FNDC3A: variants seen among roughly 807,000 people sequenced by gnomAD.
FNDC3A encodes the protein fibronectin type-III domain-containing protein 3A.
A neutral mutation model predicts 148.9 loss-of-function variants in FNDC3A; 32 were observed. That is an observed-to-expected ratio of 0.21 (90% CI 0.16 to 0.29). FNDC3A has a LOEUF of 0.29. Ranked by LOEUF, FNDC3A falls within the 10% of genes least tolerant of loss-of-function variation. The pLI is 1.00. For missense variants in FNDC3A, 1,191 were observed against 1,452.8 expected, an observed-to-expected ratio of 0.82 and a Z score of 2.93; for synonymous variants, 472 against 473.6, an observed-to-expected ratio of 1.00 and a Z score of 0.04.
At chr13:49,003,430 C>A (rs1394400147) in intron 1 of FNDC3A, among the ~76,000 whole-genome samples, 1 of 151,936 alleles carries the variant, frequency 6.6e-6, no homozygotes, top group African/African-American at 2.4e-5. Flanking sequence ...TTTTAAAAAT[C>A]AATTTGTAGG....
At chr13:49,110,429 A>T in intron 3 of FNDC3A, 1 of 1,467,336 alleles carries the variant, frequency 6.8e-7, no homozygotes, top group African/African-American at 1.4e-5. Flanking sequence ...GTTTTCGAAC[A>T]TTCTGCTTTT....
intron 14 of FNDC3A, 107 bp from the exon 15 acceptor site, chr13:49,185,857 T>C (rs1243093508): frequency 8.5e-6 from 7 of 821,480 alleles, no homozygotes. Context: ...AAAAAAAATG[T>C]ATTTTATCAT....
chr13:49,110,301 A>C (rs1880475846), intron 3 of FNDC3A: 14 of 250,014 alleles, frequency 5.6e-5, no homozygotes, highest in Non-Finnish European at 9.0e-5. Context: ...ACAGCCTTGC[A>C]AAAAAAAAAA....
At chr13:48,982,358 T>C (rs1195317991) in intron 1 of FNDC3A, among the ~76,000 whole-genome samples, 1 of 152,126 alleles carries the variant, frequency 6.6e-6, no homozygotes, top group Admixed American at 6.5e-5. Context: ...CTAAAAAAAA[T>C]TTTTAGCATA....
In FNDC3A at chr13:49,013,786, C is replaced by G. The variant is rs1366529288; in HGVS notation, c.99+7497C>G. 5.2e-5 allele frequency among the ~76,000 whole-genome samples: 7 copies of G among 134,980 alleles called. No homozygotes were observed. In the East Asian group the frequency reaches 1.7e-3, roughly 32 times the overall value. The allele number at this position is 134,980 out of a possible 152,430, so 88.6% of individuals were successfully genotyped here. Reference sequence around the variant, plus strand: ...CAACAGTCCCCAGAGTGTGATGTTCCCCTTCCTGTGTCCATGTGTTCTCTT... The same window carrying G: ...CAACAGTCCCCAGAGTGTGATGTTCGCCTTCCTGTGTCCATGTGTTCTCTT... On this transcript the variant is annotated intron_variant, in intron 2 of 25. Coordinates refer to ENST00000492622, the MANE Select transcript of FNDC3A (RefSeq NM_001079673.2).
chr13:49,136,141 A>G (rs1381783772), intron 5 of FNDC3A, among the ~76,000 whole-genome samples, 191 bp from the exon 6 acceptor site: 1 of 152,194 alleles, frequency 6.6e-6, no homozygotes, highest in Non-Finnish European at 1.5e-5. Context: ...AGAGATATAT[A>G]TAATTAGAAT....
chr13:49,030,320 T>A (rs1874018782), intron 2 of FNDC3A, among the ~76,000 whole-genome samples: 1 of 152,096 alleles, frequency 6.6e-6, no homozygotes, highest in Non-Finnish European at 1.5e-5. Flanking sequence ...AATTCAACAC[T>A]TTTCATGATA....
At chr13:49,123,241 A>G (rs1013772253) in intron 4 of FNDC3A, among the ~76,000 whole-genome samples, 13 of 152,180 alleles carry the variant, frequency 8.5e-5, no homozygotes, top group Non-Finnish European at 1.3e-4. Context: ...AAAACAACCA[A>G]TGGGGAAAGG....
chr13:48,997,004 A>G (rs1952035821), intron 1 of FNDC3A, among the ~76,000 whole-genome samples: 1 of 152,032 alleles, frequency 6.6e-6, no homozygotes, highest in Admixed American at 6.6e-5. Flanking sequence ...CAGAGGCTGC[A>G]GCGGGCGGAG....
chr13:49,108,552 A>T (rs1880347129), intron 3 of FNDC3A, among the ~76,000 whole-genome samples: 1 of 152,214 alleles, frequency 6.6e-6, no homozygotes, highest in Admixed American at 6.5e-5. Context: ...TTGAGGATAT[A>T]GGAGAATTTA....
chr13:48,983,902 G>C lies in FNDC3A; in HGVS notation c.-40+7725G>C, dbSNP rs531115011. Among the ~76,000 whole-genome samples the C allele has an allele frequency of 5.3e-4, 81 of 151,988 alleles. 1 individual carries two copies. The highest frequency in any genetic ancestry group is 1.1e-3 in the Non-Finnish European group (73 of 67,948). ...AAATAATTAACCTGTAAATAAAGGG[G>C]GGAAATGTATCACTATTATTTAGAG... On this transcript the variant is annotated intron_variant, in intron 1 of 25. Transcript: ENST00000492622.
At chr13:49,098,413 C>T (rs1566248377) in intron 3 of FNDC3A, among the ~76,000 whole-genome samples, 1 of 152,024 alleles carries the variant, frequency 6.6e-6, no homozygotes, top group Non-Finnish European at 1.5e-5. Context: ...TGCAGTAAAT[C>T]CTAAGTGCTC....
At chr13:49,101,794 G>GTTT (rs570292116) in intron 3 of FNDC3A, among the ~76,000 whole-genome samples, 14 of 103,360 alleles carry the variant, frequency 1.4e-4, no homozygotes, top group African/African-American at 1.4e-4. Flanking sequence ...ACCTGCTTTA[G>GTTT]TTTTTTTTTT....
intron 2 of FNDC3A, among the ~76,000 whole-genome samples, chr13:49,030,301 AT>A (rs1874017443): frequency 1.3e-5 from 2 of 152,238 alleles, no homozygotes; most frequent in African/African-American, 4.8e-5. Flanking sequence ...CAAAAGAAGC[AT>A]TTGACAAAAT....
rs377163023 is a variant in FNDC3A, at chr13:49,053,754, T to C, written c.100-21535T>C. On this transcript the variant is annotated intron_variant, in intron 2 of 25. Coordinates refer to ENST00000492622, the MANE Select transcript of FNDC3A (RefSeq NM_001079673.2). The stretch of plus-strand genomic sequence containing the variant: ...TGCCTCCACCCCCAGAGGCAATAGA[T>C]GGCAAATATTCCCTATTCAGAGCCT... 4.1e-3 allele frequency among the ~76,000 whole-genome samples: 618 copies of C among 152,280 alleles called. 3 individuals carry two copies. Among genetic ancestry groups the C allele is most frequent in the African/African-American group, 0.014 (589 of 41,560 alleles).
intron 24 of FNDC3A, among the ~76,000 whole-genome samples, chr13:49,202,513 T>G (rs932702762): frequency 6.6e-6 from 1 of 152,236 alleles, no homozygotes; most frequent in South Asian, 2.1e-4. Context: ...TATTTTTAGC[T>G]GAAAAGTCTA....
chr13:49,138,744 A>T lies in FNDC3A; in HGVS notation c.761-3A>T, dbSNP rs374491470. On this transcript the variant is annotated splice_region_variant and splice_polypyrimidine_tract_variant and intron_variant, in intron 6 of 25. Transcript: ENST00000492622. ...AAATATTCAAATGTTTTATTTTTTT[A>T]AGAAAAAGATGAAGAAACTAAAGCA... 1.5e-3 allele frequency: 2,161 copies of T among 1,411,832 alleles called. 7 individuals carry two copies. The highest frequency in any genetic ancestry group is 3.6e-3 in the Middle Eastern group (19 of 5,266). The allele number at this position is 1,411,832 out of a possible 1,614,324, so 87.5% of individuals were successfully genotyped here.
Position 49,081,999 on chromosome 13 carries a change from A to G in FNDC3A, c.175+6635A>G, listed in dbSNP as rs553544521. On this transcript the variant is annotated intron_variant, in intron 3 of 25. Transcript: ENST00000492622. ...TTTTTTTTTTAACAAAAATAAAAAC[A>G]TGTTTATGAAATGTTTAAGTGTCAG... 6.7e-5 allele frequency among the ~76,000 whole-genome samples: 10 copies of G among 149,910 alleles called. No individual in the cohort carries two copies. The South Asian group carries it at 2.1e-3, about 31-fold the overall frequency.
At position 49,174,551 on chromosome 13, in the gene FNDC3A, T is replaced by C. The variant is rs762652751; in HGVS notation, c.1347T>C (p.Tyr449=). The change falls in exon 12 of 26, where the codon TAT becomes TAC. Residue 449 remains tyrosine, a synonymous_variant. Coordinates refer to ENST00000492622, the MANE Select transcript of FNDC3A (RefSeq NM_001079673.2). Reference sequence around the variant, plus strand: ...TCAGACTATCGGCCAGAAATGACTATGGTACAAGGTAAGGTGTACTTTATA... The same window carrying C: ...TCAGACTATCGGCCAGAAATGACTACGGTACAAGGTAAGGTGTACTTTATA... The part of the protein sequence containing the change: ...CKFRLSARND[Y]GTSGFSEEVL... 13 of 1,611,108 alleles carry C rather than the reference T, an allele frequency of 8.1e-6. No individual in the cohort carries two copies. In the African/African-American group the frequency reaches 9.4e-5, roughly 12 times the overall value.
Sources: gnomAD v4.1 joint callset for allele counts (sites outside exome capture counted in the v4.1 genomes callset) on GRCh38, gnomAD v4.1.1 for gene constraint, MANE v1.5 for transcripts, NCBI Gene and HGNC (gene_info 2026-07-23, HGNC 2026-07-21) for gene names.